HSD11B1: variants seen among roughly 807,000 people sequenced by gnomAD.
HSD11B1 encodes the protein 11-beta-hydroxysteroid dehydrogenase 1.
HSD11B1 carries 15 observed loss-of-function variants against 22.1 expected under a neutral mutation model. The observed-to-expected ratio is 0.68, with a 90% CI of 0.45 to 1.04. HSD11B1 has a LOEUF of 1.04. Among genes scored for constraint, HSD11B1 ranks in the 50% least tolerant of loss-of-function variants. HSD11B1 has a pLI of 0.00. For synonymous variants in HSD11B1, 122 were observed against 125.2 expected (o/e 0.97, Z 0.17); for missense variants, 281 against 357.6 (o/e 0.79, Z 1.73).
At position 209,707,311 on chromosome 1, in the gene HSD11B1, T is replaced by C. The variant is rs1571873340; in HGVS notation, c.517+183T>C. 2.6e-5 allele frequency among the ~76,000 whole-genome samples: 4 copies of C among 152,140 alleles called. No homozygotes were observed. The Middle Eastern group carries it at 0.014, about 517-fold the overall frequency. On this transcript the variant is annotated intron_variant, in intron 4 of 5. Transcript: ENST00000367027. Reference sequence around the variant, plus strand: ...ACAGAGAAAAAGCAGTAGCTCTGAGTGCTCATTGGAAGACTGAATTGTTTT... The same window carrying C: ...ACAGAGAAAAAGCAGTAGCTCTGAGCGCTCATTGGAAGACTGAATTGTTTT...
intron 1 of HSD11B1, among the ~76,000 whole-genome samples, chr1:209,692,169 C>T (rs773045943): frequency 6.6e-6 from 1 of 151,864 alleles, no homozygotes; most frequent in Non-Finnish European, 1.5e-5. Flanking sequence ...TGTCTGGAGC[C>T]ATTAAGTCTC....
At chr1:209,693,560 TC>T (rs1322169597) in intron 1 of HSD11B1, among the ~76,000 whole-genome samples, 1 of 152,224 alleles carries the variant, frequency 6.6e-6, no homozygotes, top group Non-Finnish European at 1.5e-5. Flanking sequence ...AGAAGTGGTC[TC>T]CTTTTCCAGA....
At chr1:209,723,451 C>G (rs1469140169) in intron 4 of HSD11B1, among the ~76,000 whole-genome samples, 3 of 152,200 alleles carry the variant, frequency 2.0e-5, no homozygotes, top group African/African-American at 7.2e-5. Flanking sequence ...TTTCCTCCCC[C>G]TGCCTGTTCA....
At chr1:209,694,717 A>G (rs929987780) in intron 1 of HSD11B1, among the ~76,000 whole-genome samples, 5 of 152,230 alleles carry the variant, frequency 3.3e-5, no homozygotes, top group African/African-American at 1.2e-4. Context: ...TGGGATATTC[A>G]TGTCTTAAGT....
At chr1:209,689,525 G>A (rs2076746747) in intron 1 of HSD11B1, among the ~76,000 whole-genome samples, 1 of 152,216 alleles carries the variant, frequency 6.6e-6, no homozygotes, top group Non-Finnish European at 1.5e-5. Context: ...GGTTGGAAGT[G>A]GGGCCTGATG....
intron 4 of HSD11B1, 101 bp downstream of exon 4, chr1:209,707,229 G>T (rs769139026): frequency 6.2e-5 from 62 of 1,005,176 alleles, no homozygotes; most frequent in Non-Finnish European, 9.4e-5. Flanking sequence ...CAGTTTCCAT[G>T]CAGAGAAGTA....
chr1:209,705,580 G>A (rs771738494), intron 1 of HSD11B1, among the ~76,000 whole-genome samples: 2 of 152,142 alleles, frequency 1.3e-5, no homozygotes, highest in African/African-American at 2.4e-5. Flanking sequence ...TTTCCATGGA[G>A]GTTTTTAGAA....
intron 1 of HSD11B1, among the ~76,000 whole-genome samples, chr1:209,694,077 A>C (rs1459783120): frequency 6.6e-6 from 1 of 152,122 alleles, no homozygotes; most frequent in African/African-American, 2.4e-5. Context: ...CATGAGTGTA[A>C]GATTTCCCTC....
intron 1 of HSD11B1, among the ~76,000 whole-genome samples, chr1:209,688,251 C>G (rs1660479882): frequency 6.6e-6 from 1 of 152,102 alleles, no homozygotes; most frequent in African/African-American, 2.4e-5. Flanking sequence ...GCTTGGGATG[C>G]CTTTCTCCAA....
chr1:209,709,146 T>A (rs1229442084), intron 4 of HSD11B1, among the ~76,000 whole-genome samples: 3 of 152,220 alleles, frequency 2.0e-5, no homozygotes, highest in Non-Finnish European at 4.4e-5. Flanking sequence ...AGCCAAACAG[T>A]ACTGGGATGG....
intron 1 of HSD11B1, among the ~76,000 whole-genome samples, chr1:209,688,631 T>A (rs2076741775): frequency 1.3e-5 from 2 of 152,200 alleles, no homozygotes; most frequent in South Asian, 4.1e-4. Context: ...CTCTTGACTC[T>A]TCAGTAACTT....
chr1:209,732,307 T>G, intron 4 of HSD11B1, 129 bp from the exon 5 acceptor site: 1 of 968,700 alleles, frequency 1.0e-6, no homozygotes, highest in Non-Finnish European at 1.6e-6. Context: ...ATAACTTCCA[T>G]GGGGAATATA....
chr1:209,692,779 C>T (rs967076191), intron 1 of HSD11B1, among the ~76,000 whole-genome samples: 3 of 152,100 alleles, frequency 2.0e-5, no homozygotes, highest in Non-Finnish European at 4.4e-5. Context: ...ATTCCTAGGT[C>T]CCACCCTTAA....
intron 4 of HSD11B1, among the ~76,000 whole-genome samples, chr1:209,730,565 G>A (rs74556263): frequency 0.016 from 2,440 of 152,096 alleles, 84 homozygotes; most frequent in African/African-American, 0.055. Context: ...AAATGATTAC[G>A]TTGCTGTCCT....
rs912411455 is a variant in HSD11B1, at chr1:209,695,398, C to T, written c.-49+9113C>T. Reference sequence around the variant, plus strand: ...AATATGGAGAGGGAGGAATAAAGAACTCCTAAGTTTCTGGATTACTAATTA... The same window carrying T: ...AATATGGAGAGGGAGGAATAAAGAATTCCTAAGTTTCTGGATTACTAATTA... On this transcript the variant is annotated intron_variant, in intron 1 of 6. Coordinates refer to the HSD11B1 transcript ENST00000261465. Among the ~76,000 whole-genome samples the T allele has an allele frequency of 1.2e-4, 18 of 152,268 alleles. No individual in the cohort carries two copies. In the East Asian group the frequency reaches 3.5e-3, roughly 29 times the overall value.
chr1:209,707,000 A>G lies in HSD11B1; in HGVS notation c.389A>G (p.His130Arg), dbSNP rs754712904. 2.8e-5 allele frequency: 45 copies of G among 1,614,036 alleles called. No homozygotes were observed. Among genetic ancestry groups the G allele is most frequent in the Admixed American group, 3.3e-5 (2 of 60,006 alleles). Residue 130 changes from histidine (H) to arginine (R), a missense_variant, in exon 4 of 6, where the codon CAT (histidine) becomes CGT (arginine). His to Arg is a conservative substitution (Grantham distance 29, BLOSUM62 0). Transcript: ENST00000367027. This position sits in a 1 kb window ranked among gnomAD's most constrained non-coding sequence, Gnocchi z 4.0. The stretch of plus-strand genomic sequence containing the variant: ...ACCAACACTTCTTTGAATCTTTTTC[A>G]TGATGATATTCACCATGTGCGCAAA... The part of the protein sequence containing the change: ...HITNTSLNLF[H>R]DDIHHVRKSM...
chr1:209,689,823 C>T (rs2076748796), intron 1 of HSD11B1, among the ~76,000 whole-genome samples: 2 of 152,182 alleles, frequency 1.3e-5, no homozygotes, highest in South Asian at 4.1e-4. Context: ...TACTCAGCTT[C>T]AGGGGTTCCT....
intron 1 of HSD11B1, among the ~76,000 whole-genome samples, chr1:209,697,036 G>C (rs1342626722): frequency 6.6e-6 from 1 of 152,218 alleles, no homozygotes; most frequent in Non-Finnish European, 1.5e-5. Flanking sequence ...GGATGAAGAA[G>C]CCACAGAGGG....
chr1:209,734,222 C>T, intron 5 of HSD11B1, 82 bp from the exon 6 acceptor site: 1 of 1,081,370 alleles, frequency 9.2e-7, no homozygotes, highest in Non-Finnish European at 1.4e-6. Context: ...CCCCTGACAG[C>T]TAAGTGGTTG....
Sources: gnomAD v4.1 joint callset for allele counts (sites outside exome capture counted in the v4.1 genomes callset) on GRCh38, gnomAD v4.1.1 for gene constraint, Gnocchi (gnomAD v3.1) non-coding constraint, MANE v1.5 for transcripts, NCBI Gene and HGNC (gene_info 2026-07-23, HGNC 2026-07-21) for gene names.